Variants in DEPDC1B observed in about 807,000 individuals in gnomAD.
The protein encoded by DEPDC1B is DEP domain-containing protein 1B.
Under a neutral mutation model 66.5 loss-of-function variants are expected in DEPDC1B, and 51 were observed. That is an observed-to-expected ratio of 0.77 (90% CI 0.61 to 0.97). The LOEUF (loss-of-function observed/expected upper bound fraction) is 0.97, where lower values mean the gene tolerates loss of function less well. Among genes scored for constraint, DEPDC1B ranks in the 50% least tolerant of loss-of-function variants. The pLI is 0.00. For synonymous variants in DEPDC1B, 226 were observed against 223.6 expected, an observed-to-expected ratio of 1.01 and a Z score of -0.10; for missense variants, 552 against 637.1, an observed-to-expected ratio of 0.87 and a Z score of 1.44.
intron 1 of DEPDC1B, among the ~76,000 whole-genome samples, chr5:60,699,458 A>C (rs1012433779): frequency 4.1e-5 from 3 of 73,286 alleles, no homozygotes; most frequent in African/African-American, 9.2e-5. Flanking sequence ...AAAAAAAAAA[A>C]AAAACAGGAA....
At position 60,599,268 on chromosome 5, in the gene DEPDC1B, A is replaced by G. The variant is rs1752156683; in HGVS notation, c.1243-8T>C. Reference sequence around the variant, plus strand: ...AGCTCCTGGGTATTTTATCTGAGGCAAAAGGATTAGTAGTGAAAGAATATA... The same window carrying G: ...AGCTCCTGGGTATTTTATCTGAGGCGAAAGGATTAGTAGTGAAAGAATATA... On this transcript the variant is annotated splice_polypyrimidine_tract_variant and splice_region_variant and intron_variant, in intron 9 of 10. Coordinates refer to ENST00000265036, the MANE Select transcript of DEPDC1B (RefSeq NM_018369.3). 9 of 1,584,740 alleles carry G rather than the reference A, an allele frequency of 5.7e-6. No individual in the cohort carries two copies. Among genetic ancestry groups the G allele is most frequent in the Non-Finnish European group, 6.8e-6 (8 of 1,169,784 alleles).
intron 7 of DEPDC1B, among the ~76,000 whole-genome samples, chr5:60,635,095 C>A (rs183709126): frequency 6.6e-6 from 1 of 151,150 alleles, no homozygotes; most frequent in African/African-American, 2.4e-5. Flanking sequence ...CGGCCATAAG[C>A]CCTGGGCTCT....
intron 7 of DEPDC1B, among the ~76,000 whole-genome samples, chr5:60,629,649 C>T (rs1273916555): frequency 1.3e-5 from 2 of 152,182 alleles, no homozygotes; most frequent in Admixed American, 1.3e-4. Flanking sequence ...TAGTCAAATT[C>T]ATGTCTTCTA....
intron 2 of DEPDC1B, among the ~76,000 whole-genome samples, chr5:60,666,243 G>T (rs988854317): frequency 6.6e-6 from 1 of 152,166 alleles, no homozygotes. Flanking sequence ...CCCAGGGTTC[G>T]TCTAATCGAG....
At chr5:60,605,143 A>C (rs1561354640) in intron 8 of DEPDC1B, among the ~76,000 whole-genome samples, 1 of 152,226 alleles carries the variant, frequency 6.6e-6, no homozygotes, top group African/African-American at 2.4e-5. Context: ...GGTAGGTACC[A>C]CAGGCTGGGG....
intron 7 of DEPDC1B, among the ~76,000 whole-genome samples, chr5:60,621,267 A>G (rs1334618566): frequency 1.3e-5 from 2 of 151,970 alleles, no homozygotes; most frequent in African/African-American, 4.8e-5. Flanking sequence ...GTGCACATGT[A>G]CACTAACTTA....
At chr5:60,695,243 C>T (rs1754628123) in intron 1 of DEPDC1B, among the ~76,000 whole-genome samples, 1 of 152,126 alleles carries the variant, frequency 6.6e-6, no homozygotes, top group South Asian at 2.1e-4. Flanking sequence ...GCTTACGGTT[C>T]TGCAGAGTGT....
chr5:60,675,823 T>C (rs1754142561), intron 2 of DEPDC1B, among the ~76,000 whole-genome samples: 1 of 152,094 alleles, frequency 6.6e-6, no homozygotes, highest in African/African-American at 2.4e-5. Context: ...GTCCCTATTA[T>C]TCAATTAACT....
intron 1 of DEPDC1B, among the ~76,000 whole-genome samples, chr5:60,698,673 T>TA (rs1754708408): frequency 6.6e-6 from 1 of 151,580 alleles, no homozygotes; most frequent in African/African-American, 2.4e-5. Context: ...CTTATTATTT[T>TA]TTTTTTTTTT....
chr5:60,654,979 T>C (rs570723966), intron 2 of DEPDC1B, among the ~76,000 whole-genome samples: 55 of 149,386 alleles, frequency 3.7e-4, no homozygotes, highest in South Asian at 6.7e-4. Flanking sequence ...TGAAACCCAA[T>C]TGACCATGGT....
intron 2 of DEPDC1B, among the ~76,000 whole-genome samples, chr5:60,676,229 C>CTT (rs758172669): frequency 9.3e-6 from 1 of 107,002 alleles, no homozygotes. Flanking sequence ...TGTGCCCGGC[C>CTT]TTTTTTTTTT....
chr5:60,620,957 C>T (rs1353959946), intron 7 of DEPDC1B, among the ~76,000 whole-genome samples: 5 of 152,118 alleles, frequency 3.3e-5, no homozygotes, highest in African/African-American at 1.2e-4. Flanking sequence ...TACTATGCAG[C>T]CATGAAAAAT....
chr5:60,653,632 G>C (rs1753508063), intron 2 of DEPDC1B, among the ~76,000 whole-genome samples: 1 of 152,006 alleles, frequency 6.6e-6, no homozygotes, highest in Non-Finnish European at 1.5e-5. Context: ...TTATTTATTT[G>C]TCTTTGTTTT....
chr5:60,619,490 C>A (rs1372234014), intron 7 of DEPDC1B, among the ~76,000 whole-genome samples: 1 of 152,114 alleles, frequency 6.6e-6, no homozygotes, highest in Non-Finnish European at 1.5e-5. Flanking sequence ...TCTTATACAC[C>A]AATAACAGAC....
intron 2 of DEPDC1B, among the ~76,000 whole-genome samples, chr5:60,662,207 T>C (rs1448642170): frequency 6.6e-6 from 1 of 151,874 alleles, no homozygotes; most frequent in Non-Finnish European, 1.5e-5. Flanking sequence ...GCTAACACAG[T>C]GAAACCCCGT....
In DEPDC1B at chr5:60,597,421, T is replaced by C; in HGVS notation, c.*332A>G. The C allele has an allele frequency of 4.7e-6, 1 of 213,792 alleles. No homozygotes were observed. The highest frequency in any genetic ancestry group is 9.2e-6 in the Non-Finnish European group (1 of 109,052). 13.2% of individuals were successfully genotyped at this position (213,792 alleles called of 1,614,324 possible). On this transcript the variant is annotated 3_prime_UTR_variant, in exon 11 of 11. Transcript: ENST00000265036. ...ATAATAAAGATATCAGTAGCTAGGA[T>C]GTATATACACAATTATTTAATAAAC...
chr5:60,676,707 AC>A (rs1302099007), intron 2 of DEPDC1B, among the ~76,000 whole-genome samples: 2 of 151,914 alleles, frequency 1.3e-5, no homozygotes, highest in Non-Finnish European at 2.9e-5. Context: ...TGTTTAGCCG[AC>A]CCAGGCTGAA....
chr5:60,636,461 T>G (rs746861759), intron 7 of DEPDC1B, among the ~76,000 whole-genome samples: 2 of 152,236 alleles, frequency 1.3e-5, no homozygotes, highest in Non-Finnish European at 2.9e-5. Context: ...TGTAGAATTT[T>G]TAGCTTCTCC....
At chr5:60,615,433 G>A (rs185118088) in intron 7 of DEPDC1B, among the ~76,000 whole-genome samples, 22 of 152,276 alleles carry the variant, frequency 1.4e-4, no homozygotes, top group Admixed American at 1.3e-4. Flanking sequence ...CTGGAAAATC[G>A]GGTCACTCTC....
Sources: allele counts gnomAD v4.1 joint callset (sites outside exome capture counted in the v4.1 genomes callset), GRCh38; gene constraint gnomAD v4.1.1; transcripts MANE v1.5; gene names NCBI Gene and HGNC (gene_info 2026-07-23, HGNC 2026-07-21).